The following FOXP1 variants were observed in gnomAD, a reference collection of about 807,000 sequenced individuals.
FOXP1 encodes the protein forkhead box protein P1.
In FOXP1, 15 loss-of-function variants were observed where a neutral mutation model predicts 98.2. The observed-to-expected ratio is 0.15, with a 90% confidence interval of 0.10 to 0.24. The LOEUF is 0.24. Ranked by LOEUF, FOXP1 falls within the 10% of genes least tolerant of loss-of-function variation. FOXP1 has a pLI of 1.00. For missense variants in FOXP1, 633 were observed against 848.5 expected, an observed-to-expected ratio of 0.75 and a Z score of 3.15; for synonymous variants, 371 against 314.5, an observed-to-expected ratio of 1.18 and a Z score of -1.90.
chr3:70,957,233 T>G lies in FOXP1; in HGVS notation c.*2014A>C, dbSNP rs2032047163. ...CCTATTTTTATCTGCAGTAGCCCCA[T>G]AAAATCTCTTTAAGAGAATGAGTTT... On this transcript the variant is annotated 3_prime_UTR_variant, in exon 21 of 21. Coordinates refer to ENST00000649528, the MANE Select transcript of FOXP1 (RefSeq NM_001349338.3). The G allele has an allele frequency of 2.2e-5, 5 of 224,430 alleles. No individual in the cohort carries two copies. In the East Asian group the frequency reaches 3.3e-4, roughly 15 times the overall value. The allele number at this position is 224,430 out of a possible 1,614,324, so 13.9% of individuals were successfully genotyped here. A position where few individuals can be genotyped will look rare whatever the true frequency, so the allele number is the denominator to read the frequency against.
intron 2 of FOXP1, among the ~76,000 whole-genome samples, chr3:71,503,478 G>A (rs2041559373): frequency 6.6e-6 from 1 of 151,448 alleles, no homozygotes. Context: ...GCACACACCT[G>A]TAATCTCAGA....
chr3:71,272,194 T>C (rs1019352945), intron 5 of FOXP1, among the ~76,000 whole-genome samples: 2 of 152,192 alleles, frequency 1.3e-5, no homozygotes, highest in African/African-American at 4.8e-5. Flanking sequence ...CATGGAATAA[T>C]GGGGTTCTTT....
intron 7 of FOXP1, among the ~76,000 whole-genome samples, chr3:71,057,469 CAA>C (rs200696075): frequency 9.1e-4 from 79 of 86,892 alleles, no homozygotes; most frequent in African/African-American, 1.2e-3. Context: ...AAATATAAGG[CAA>C]AAAAAAAAAA....
intron 6 of FOXP1, among the ~76,000 whole-genome samples, chr3:71,117,601 AAG>A (rs1261643245): frequency 6.6e-6 from 1 of 152,214 alleles, no homozygotes; most frequent in East Asian, 1.9e-4. Flanking sequence ...AAGCAGCAGA[AAG>A]AGAGAGACAG....
chr3:71,148,988 C>A (rs2060447568), intron 6 of FOXP1, among the ~76,000 whole-genome samples: 2 of 152,120 alleles, frequency 1.3e-5, no homozygotes, highest in South Asian at 4.1e-4. Context: ...GTGTTTAAAC[C>A]AGAGCTTGAA....
intron 6 of FOXP1, among the ~76,000 whole-genome samples, chr3:71,174,346 G>C (rs2061806285): frequency 1.3e-5 from 2 of 152,132 alleles, no homozygotes; most frequent in Non-Finnish European, 2.9e-5. Flanking sequence ...GGTGAGGCAG[G>C]AGATTTGCTT....
At chr3:71,042,688 T>C (rs987831530) in intron 10 of FOXP1, among the ~76,000 whole-genome samples, 34 of 152,152 alleles carry the variant, frequency 2.2e-4, no homozygotes, top group Admixed American at 2.2e-3. Flanking sequence ...TCTGACTATA[T>C]AGCAGCAGCT....
At chr3:71,360,683 T>C (rs1453334916) in intron 3 of FOXP1, 1 of 150,680 alleles carries the variant, frequency 6.6e-6, no homozygotes, top group Non-Finnish European at 1.5e-5. Context: ...AAAAAAAAAA[T>C]GGAACTATAG....
chr3:71,031,741 C>CA (rs1559767100), intron 11 of FOXP1, among the ~76,000 whole-genome samples: 2 of 151,706 alleles, frequency 1.3e-5, no homozygotes, highest in African/African-American at 2.4e-5. Context: ...AACAAACAAA[C>CA]AAACAAAAAA....
At chr3:71,442,470 A>G (rs531449701) in intron 3 of FOXP1, among the ~76,000 whole-genome samples, 2 of 151,994 alleles carry the variant, frequency 1.3e-5, no homozygotes, top group African/African-American at 2.4e-5. Context: ...GAATCTTGAG[A>G]ACGTCCAGCT....
chr3:71,299,744 AG>A (rs2073686459), intron 5 of FOXP1, 75 bp downstream of exon 5: 1 of 152,678 alleles, frequency 6.5e-6, no homozygotes, highest in Non-Finnish European at 1.5e-5. Context: ...CAGACCAAAA[AG>A]CAACTGAATT....
chr3:71,552,025 A>T (rs2045817854), intron 2 of FOXP1, among the ~76,000 whole-genome samples: 3 of 152,198 alleles, frequency 2.0e-5, no homozygotes, highest in Admixed American at 2.0e-4. Context: ...TCCTTTACTA[A>T]GTGCCTGTCT....
chr3:70,999,329 CCACCCGCCT>C (rs2041819772), intron 13 of FOXP1, among the ~76,000 whole-genome samples: 1 of 152,224 alleles, frequency 6.6e-6, no homozygotes, highest in South Asian at 2.1e-4. Context: ...ACCTTGTGAT[CCACCCGCCT>C]TGGCCTCCCA....
intron 9 of FOXP1, among the ~76,000 whole-genome samples, chr3:71,047,891 C>T (rs1198720434): frequency 6.6e-6 from 1 of 152,158 alleles, no homozygotes; most frequent in Non-Finnish European, 1.5e-5. Flanking sequence ...AGGAGGAAAA[C>T]TTTTGTTGTG....
chr3:70,962,267 TTC>T (rs1177473029), intron 20 of FOXP1, among the ~76,000 whole-genome samples: 2 of 152,320 alleles, frequency 1.3e-5, no homozygotes, highest in Non-Finnish European at 2.9e-5. Flanking sequence ...ATCTTTCTCT[TTC>T]TCTTTTACTG....
chr3:71,291,143 C>T (rs970772758), intron 5 of FOXP1, among the ~76,000 whole-genome samples: 9 of 152,230 alleles, frequency 5.9e-5, no homozygotes, highest in African/African-American at 2.2e-4. Context: ...GCTGGTTGTC[C>T]ACTCCCTCTA....
Position 71,447,123 on chromosome 3 carries a change from T to TGCATA in FOXP1, c.-168+46298_-168+46302dup, listed in dbSNP as rs1360395749. ...TACAAGAAGTCAGGAATCTGGGCTC[T>TGCATA]GCATAGGAAACCTCAGTAAATAAAT... On this transcript the variant is annotated intron_variant, in intron 3 of 20. Transcript: ENST00000649528. 2.0e-5 allele frequency among the ~76,000 whole-genome samples: 3 copies of TGCATA among 152,380 alleles called. No individual in the cohort carries two copies. The East Asian group carries it at 5.8e-4, about 29-fold the overall frequency.
At chr3:71,297,646 CCTT>C (rs1486346335) in intron 5 of FOXP1, among the ~76,000 whole-genome samples, 2 of 139,738 alleles carry the variant, frequency 1.4e-5, no homozygotes, top group Admixed American at 7.4e-5. Context: ...GACAGAGTCT[CCTT>C]CTGTCTCCCA....
chr3:71,111,642 G>A (rs2057936350), intron 7 of FOXP1, among the ~76,000 whole-genome samples: 1 of 151,992 alleles, frequency 6.6e-6, no homozygotes, highest in South Asian at 2.1e-4. Flanking sequence ...CAAGTGATCC[G>A]CCTGCCTCAG....
Sources: gnomAD v4.1 joint callset for allele counts (sites outside exome capture counted in the v4.1 genomes callset) on GRCh38, gnomAD v4.1.1 for gene constraint, MANE v1.5 for transcripts, NCBI Gene and HGNC (gene_info 2026-07-23, HGNC 2026-07-21) for gene names.